Variants in RER1 observed in about 807,000 individuals in gnomAD.
The protein encoded by RER1 is protein RER1.
In RER1, 6 loss-of-function variants were observed where a neutral mutation model predicts 28.3. The observed-to-expected ratio is 0.21, with a 90% CI of 0.12 to 0.42. The LOEUF is 0.42. Among genes scored for constraint, RER1 ranks in the 10% least tolerant of loss-of-function variants. RER1 has a pLI of 1.00. For missense variants in RER1, 159 were observed against 252.9 expected, an observed-to-expected ratio of 0.63 and a Z score of 2.52; for synonymous variants, 110 against 95.9, an observed-to-expected ratio of 1.15 and a Z score of -0.86.
chr1:2,401,957 T>A, intron 5 of RER1: 1 of 1,413,820 alleles, frequency 7.1e-7, no homozygotes, highest in East Asian at 2.5e-5. Flanking sequence ...GCTTTATACT[T>A]TGTGTAGTTT....
In RER1 at chr1:2,400,871, C is replaced by T; in HGVS notation, c.301C>T (p.Leu101=). Residue 101 remains leucine (L), a synonymous_variant, in exon 5 of 7, where the codon CTA becomes TTA. Transcript: ENST00000605895. The part of the protein sequence containing the change: ...LMEDSDDGPS[L]PTKQNEEFRP... ...CTGCCTTACAGATGACGGTCCTTCG[C>T]TACCCACCAAACAGAACGAGGAATT... 1.2e-6 allele frequency: 2 copies of T among 1,614,046 alleles called. No individual in the cohort carries two copies. The highest frequency in any genetic ancestry group is 1.7e-4 in the Middle Eastern group (1 of 6,056).
intron 3 of RER1, 122 bp from the exon 4 acceptor site, chr1:2,399,293 T>C (rs1642812016): frequency 1.4e-6 from 1 of 721,014 alleles, no homozygotes; most frequent in East Asian, 2.5e-5. Context: ...TGAGTAAGTT[T>C]TGTGTTAAAA....
At chr1:2,399,601 C>T (rs1312236592) in intron 4 of RER1, 87 bp downstream of exon 4, 20 of 799,566 alleles carry the variant, frequency 2.5e-5, no homozygotes, top group Admixed American at 1.9e-4. Flanking sequence ...TGGAAACACC[C>T]GAGACTCTTC....
chr1:2,392,402 G>C (rs1029678613), intron 1 of RER1, among the ~76,000 whole-genome samples: 19 of 152,222 alleles, frequency 1.2e-4, no homozygotes, highest in Admixed American at 6.5e-5. Context: ...AGGATTTAGT[G>C]TTAAGCTCTG....
intron 6 of RER1, 87 bp from the exon 7 acceptor site, chr1:2,402,948 G>A (rs1642893261): frequency 9.4e-7 from 1 of 1,069,348 alleles, no homozygotes; most frequent in African/African-American, 1.6e-5. Flanking sequence ...AGAAAAGATG[G>A]GGGACCTTTG....
At chr1:2,392,820 A>C (rs917091553) in intron 1 of RER1, among the ~76,000 whole-genome samples, 3 of 152,246 alleles carry the variant, frequency 2.0e-5, no homozygotes, top group African/African-American at 7.2e-5. Context: ...CCAGGTGGAG[A>C]TATAAGATGG....
At chr1:2,395,538 G>A (rs2100398169) in intron 1 of RER1, 1 of 500,188 alleles carries the variant, frequency 2.0e-6, no homozygotes, top group East Asian at 3.6e-5. Context: ...TGACTGAGGT[G>A]CCAGTGTGGG....
intron 5 of RER1, among the ~76,000 whole-genome samples, chr1:2,401,688 G>C (rs1642866400): frequency 6.6e-6 from 1 of 152,112 alleles, no homozygotes; most frequent in Non-Finnish European, 1.5e-5. Flanking sequence ...TCCACGCCTT[G>C]ACTTTGCAGC....
At chr1:2,399,613 C>T (rs2100403605) in intron 4 of RER1, 99 bp downstream of exon 4, 1 of 758,520 alleles carries the variant, frequency 1.3e-6, no homozygotes, top group Non-Finnish European at 2.3e-6. Flanking sequence ...AGACTCTTCT[C>T]TTGGGGTTGA....
intron 2 of RER1, 148 bp downstream of exon 2, chr1:2,396,019 A>T: frequency 7.3e-6 from 5 of 681,826 alleles, no homozygotes; most frequent in Middle Eastern, 2.4e-4. Context: ...CGTTCTCTTC[A>T]CTGTGAAGGG....
At chr1:2,401,033 TGC>T in intron 5 of RER1, 98 bp downstream of exon 5, 2 of 1,042,684 alleles carry the variant, frequency 1.9e-6, no homozygotes, top group Non-Finnish European at 3.0e-6. Flanking sequence ...GAAAGATGAC[TGC>T]TGTGCTGGGC....
At chr1:2,396,598 C>A (rs1642771228) in intron 2 of RER1, among the ~76,000 whole-genome samples, 2 of 152,182 alleles carry the variant, frequency 1.3e-5, no homozygotes, top group Non-Finnish European at 2.9e-5. Flanking sequence ...AAAATAAATA[C>A]ATAAAACTAA....
chr1:2,395,208 T>C (rs1252223794), intron 1 of RER1: 2 of 155,788 alleles, frequency 1.3e-5, no homozygotes, highest in East Asian at 3.7e-4. Flanking sequence ...AGCAGATACG[T>C]TACCTCCGCT....
intron 2 of RER1, 144 bp from the exon 3 acceptor site, chr1:2,396,972 A>G: frequency 5.2e-6 from 3 of 580,990 alleles, no homozygotes; most frequent in Non-Finnish European, 6.3e-6. Context: ...GTGCTGATAC[A>G]TAGATGATCT....
chr1:2,396,194 C>T lies in RER1; in HGVS notation c.81+323C>T, dbSNP rs1642765468. 5 of 325,914 alleles carry T rather than the reference C, an allele frequency of 1.5e-5. No homozygotes were observed. The East Asian group carries it at 2.1e-4, about 13-fold the overall frequency. 20.2% of individuals were successfully genotyped at this position (325,914 alleles called of 1,614,324 possible). On this transcript the variant is annotated intron_variant, in intron 2 of 6. Coordinates refer to ENST00000605895, the MANE Select transcript of RER1 (RefSeq NM_007033.5). ...CTGCCGTTCTGCTCTTGCTGTCCCT[C>T]TCCCAGCCACCCACGTCCCCGGTGC...
chr1:2,396,034 C>T (rs1642763472), intron 2 of RER1, 163 bp downstream of exon 2: 1 of 639,626 alleles, frequency 1.6e-6, no homozygotes, highest in South Asian at 1.8e-5. Flanking sequence ...GAAGGGCCAG[C>T]TGTGGAGAGA....
rs1485579048 is a variant in RER1 at position 2,403,247 on chromosome 1, C to T, written c.*123C>T. 7.2e-6 allele frequency: 5 copies of T among 694,130 alleles called. No homozygotes were observed. Among genetic ancestry groups the T allele is most frequent in the South Asian group, 1.7e-5 (1 of 59,294 alleles). 43.0% of individuals were successfully genotyped at this position (694,130 alleles called of 1,614,324 possible). A position where few individuals can be genotyped will look rare whatever the true frequency, so the allele number is the denominator to read the frequency against. On this transcript the variant is annotated 3_prime_UTR_variant, in exon 7 of 7. Transcript: ENST00000605895. Reference sequence around the variant, plus strand: ...GTCAAATTTTCTTTTTAAAAAGGAGCTTCAATGATTTGTAACTGAAATATC... The same window carrying T: ...GTCAAATTTTCTTTTTAAAAAGGAGTTTCAATGATTTGTAACTGAAATATC...
intron 2 of RER1, chr1:2,396,311 T>G (rs1396364879): frequency 5.6e-6 from 1 of 178,034 alleles, no homozygotes; most frequent in Non-Finnish European, 1.2e-5. Flanking sequence ...GCTTGGTGAG[T>G]GAGGGACCTA....
At chr1:2,396,173 C>T (rs766477469) in intron 2 of RER1, 25 of 356,668 alleles carry the variant, frequency 7.0e-5, no homozygotes, top group Non-Finnish European at 1.2e-4. Flanking sequence ...CCGTGGCTGC[C>T]GTTCTGCTCT....
Sources: gnomAD v4.1 joint callset for allele counts (sites outside exome capture counted in the v4.1 genomes callset) on GRCh38, gnomAD v4.1.1 for gene constraint, MANE v1.5 for transcripts, NCBI Gene and HGNC (gene_info 2026-07-23, HGNC 2026-07-21) for gene names.